RBKS: variants seen among roughly 807,000 people sequenced by gnomAD.
RBKS encodes ribokinase.
A neutral mutation model predicts 33.9 loss-of-function variants in RBKS; 33 were observed. The observed-to-expected ratio is 0.97, with a 90% CI of 0.74 to 1.30. RBKS has a LOEUF of 1.30. RBKS is among the 50% of genes most tolerant of loss of function. The pLI is 0.00. For synonymous variants in RBKS, 125 were observed against 143.0 expected (o/e 0.87, Z 0.90); for missense variants, 361 against 392.6 (o/e 0.92, Z 0.68).
At chr2:27,820,208 A>T (rs1312199851) in intron 7 of RBKS, among the ~76,000 whole-genome samples, 2 of 152,224 alleles carry the variant, frequency 1.3e-5, no homozygotes, top group Non-Finnish European at 2.9e-5. Flanking sequence ...AGGCTTATGG[A>T]AAAACTCAAA....
chr2:27,884,055 C>T (rs186910476), intron 1 of RBKS, among the ~76,000 whole-genome samples: 1 of 152,122 alleles, frequency 6.6e-6, no homozygotes. Flanking sequence ...TTATATTCCT[C>T]GAATACTGGG....
intron 7 of RBKS, among the ~76,000 whole-genome samples, chr2:27,816,203 C>T (rs769655320): frequency 2.0e-5 from 3 of 152,174 alleles, no homozygotes; most frequent in Non-Finnish European, 2.9e-5. Context: ...ACTGATCACA[C>T]GCAGGATTAA....
chr2:27,852,548 T>G (rs1663771615), intron 2 of RBKS, among the ~76,000 whole-genome samples: 1 of 152,172 alleles, frequency 6.6e-6, no homozygotes, highest in African/African-American at 2.4e-5. Context: ...GCAACTTCAG[T>G]CAGCATCATA....
intron 7 of RBKS, among the ~76,000 whole-genome samples, chr2:27,803,347 C>T (rs945060477): frequency 2.6e-5 from 4 of 152,070 alleles, no homozygotes; most frequent in South Asian, 2.1e-4. Flanking sequence ...ACCATTATGT[C>T]GCAAATGTCC....
At chr2:27,882,760 A>G (rs1664443315) in intron 1 of RBKS, among the ~76,000 whole-genome samples, 1 of 152,216 alleles carries the variant, frequency 6.6e-6, no homozygotes, top group Admixed American at 6.5e-5. Context: ...AAAAAGAACG[A>G]CATCATGTAC....
intron 2 of RBKS, among the ~76,000 whole-genome samples, chr2:27,852,135 G>A (rs1243637144): frequency 6.6e-6 from 1 of 152,136 alleles, no homozygotes; most frequent in Non-Finnish European, 1.5e-5. Flanking sequence ...GAAATCCCAG[G>A]CTCAGTTCCG....
In RBKS at chr2:27,837,225, G is replaced by C. The variant is rs990549061; in HGVS notation, c.515-4448C>G. Among the ~76,000 whole-genome samples, 1 of 152,064 alleles carries C rather than the reference G, an allele frequency of 6.6e-6. No homozygotes were observed. The highest frequency in any genetic ancestry group is 6.5e-5 in the Admixed American group (1 of 15,282). On this transcript the variant is annotated intron_variant, in intron 5 of 7. Coordinates refer to ENST00000302188, the MANE Select transcript of RBKS (RefSeq NM_022128.3). The surrounding 1 kb of genome is among the most constrained non-coding windows in gnomAD (Gnocchi z 4.0). Reference sequence around the variant, plus strand: ...GGAGGTGGAGCTTGCAGTGAGCCGAGATCGTGCCACTGCACTCCAGCCTGG... The same window carrying C: ...GGAGGTGGAGCTTGCAGTGAGCCGACATCGTGCCACTGCACTCCAGCCTGG...
intron 2 of RBKS, 146 bp from the exon 3 acceptor site, chr2:27,848,243 C>T (rs549604593): frequency 5.5e-6 from 3 of 544,104 alleles, no homozygotes; most frequent in Admixed American, 3.9e-5. Flanking sequence ...ATATAAGATG[C>T]TAGACTTGAT....
intron 1 of RBKS, among the ~76,000 whole-genome samples, chr2:27,875,819 C>T (rs1184135927): frequency 6.6e-6 from 1 of 152,106 alleles, no homozygotes; most frequent in Non-Finnish European, 1.5e-5. Context: ...TTACTGAGCT[C>T]CTTGCCTGTA....
chr2:27,875,409 TG>T (rs935199387), intron 1 of RBKS, among the ~76,000 whole-genome samples: 3 of 152,056 alleles, frequency 2.0e-5, no homozygotes, highest in African/African-American at 7.2e-5. Context: ...AAAAATTAGT[TG>T]GGCATGGTGG....
chr2:27,800,114 G>A (rs1265339663), intron 7 of RBKS, among the ~76,000 whole-genome samples: 1 of 145,824 alleles, frequency 6.9e-6, no homozygotes, highest in Non-Finnish European at 1.5e-5. Context: ...TTACAGTGGC[G>A]CGATCACGGC....
intron 7 of RBKS, chr2:27,809,800 A>G (rs1347211457): frequency 2.0e-6 from 1 of 497,076 alleles, no homozygotes; most frequent in Non-Finnish European, 3.2e-6. Flanking sequence ...CAGAGCTACC[A>G]GATTATTAAA....
At chr2:27,813,984 C>T (rs566789399) in intron 7 of RBKS, among the ~76,000 whole-genome samples, 1 of 151,990 alleles carries the variant, frequency 6.6e-6, no homozygotes, top group Non-Finnish European at 1.5e-5. Context: ...CTTTGGGAGG[C>T]TGAGGTGGGA....
chr2:27,861,777 G>A (rs1366446745), intron 1 of RBKS, among the ~76,000 whole-genome samples: 1 of 150,758 alleles, frequency 6.6e-6, no homozygotes, highest in Admixed American at 6.6e-5. Flanking sequence ...TCAGCCTCCC[G>A]AGTAGCTGAA....
chr2:27,882,953 G>A (rs1206681880), intron 1 of RBKS, among the ~76,000 whole-genome samples: 5 of 151,964 alleles, frequency 3.3e-5, no homozygotes, highest in African/African-American at 4.8e-5. Context: ...GGAGGGAAGA[G>A]GATCAGGAAA....
In RBKS at chr2:27,810,519, T is replaced by C. The variant is rs1677970042; in HGVS notation, c.795+17048A>G. Among the ~76,000 whole-genome samples the C allele has an allele frequency of 6.6e-6, 1 of 152,234 alleles. No homozygotes were observed. Among genetic ancestry groups the C allele is most frequent in the Admixed American group, 6.5e-5 (1 of 15,284 alleles). On this transcript the variant is annotated intron_variant, in intron 7 of 7. Transcript: ENST00000302188. This position sits in a 1 kb window ranked among gnomAD's most constrained non-coding sequence, Gnocchi z 4.4. The stretch of plus-strand genomic sequence containing the variant: ...TATACAGGCATCTTTCTGTGCTATC[T>C]GCAGAGAATCACTGATGACAGGAAC...
At chr2:27,790,220 G>T (rs1208848375) in intron 7 of RBKS, among the ~76,000 whole-genome samples, 2 of 151,996 alleles carry the variant, frequency 1.3e-5, no homozygotes, top group African/African-American at 4.8e-5. Context: ...GGAGGAAAGG[G>T]CAGTCTTTTA....
intron 7 of RBKS, among the ~76,000 whole-genome samples, chr2:27,816,131 A>T (rs1229626040): frequency 6.6e-6 from 1 of 152,250 alleles, no homozygotes; most frequent in Non-Finnish European, 1.5e-5. Context: ...TCAATTCCTC[A>T]AAGTGAAGAT....
intron 4 of RBKS, among the ~76,000 whole-genome samples, chr2:27,845,064 A>G: frequency 6.6e-6 from 1 of 152,184 alleles, no homozygotes. Flanking sequence ...AGTCCTAGAA[A>G]AATTCAAAGT....
Sources: gnomAD v4.1 joint callset for allele counts (sites outside exome capture counted in the v4.1 genomes callset) on GRCh38, gnomAD v4.1.1 for gene constraint, Gnocchi (gnomAD v3.1) non-coding constraint, MANE v1.5 for transcripts, NCBI Gene and HGNC (gene_info 2026-07-23, HGNC 2026-07-21) for gene names.